The following RASGRP2 variants were observed in gnomAD, a reference collection of about 807,000 sequenced individuals.
The protein encoded by RASGRP2 is RAS guanyl releasing protein 2, also known as RAS guanyl-releasing protein 2.
In RASGRP2, 44 loss-of-function variants were observed where a neutral mutation model predicts 71.0. The ratio of observed to expected loss-of-function variants is 0.62; its 90% CI spans 0.49 to 0.80. The LOEUF is 0.80. RASGRP2 is among the 30% of genes least tolerant of loss of function. RASGRP2 has a pLI of 0.00. For synonymous variants in RASGRP2, 350 were observed against 330.7 expected (o/e 1.06, Z -0.63); for missense variants, 663 against 813.4 (o/e 0.82, Z 2.25).
intron 4 of RASGRP2, 26 bp from the exon 5 acceptor site, chr11:64,741,105 A>G: frequency 6.2e-7 from 1 of 1,609,610 alleles, no homozygotes; most frequent in Non-Finnish European, 8.5e-7. Context: ...GTCACCCAAG[A>G]TAGCCCTTCC....
chr11:64,730,012 G>A (rs767073635), intron 13 of RASGRP2, 41 bp downstream of exon 13: 71 of 1,542,050 alleles, frequency 4.6e-5, no homozygotes, highest in Non-Finnish European at 5.7e-5. Flanking sequence ...CGGGGCTGGA[G>A]GGGCGTGGCT....
intron 12 of RASGRP2, among the ~76,000 whole-genome samples, chr11:64,733,162 A>T (rs1381137376): frequency 6.6e-6 from 1 of 151,442 alleles, no homozygotes; most frequent in Non-Finnish European, 1.5e-5. Flanking sequence ...AGAAAAAAGA[A>T]AAAAGAGAAC....
In RASGRP2 at chr11:64,729,017, C is replaced by A. The variant is rs781047335; in HGVS notation, c.1617G>T (p.Gln539His). 1 of 1,602,698 alleles carries A rather than the reference C, an allele frequency of 6.2e-7. No individual in the cohort carries two copies. The highest frequency in any genetic ancestry group is 1.7e-5 in the Admixed American group (1 of 59,202). ...CRACGVNCHK[Q>H]CKDRLSVECR... ...ACTCAACTGACAGGCGATCCTTGCA[C>A]TGCTTGTGGCAGTTCACTCCACAGG... Residue 539 changes from glutamine to histidine, a missense_variant, in exon 15 of 17, where the codon CAG (glutamine) becomes CAT (histidine). Gln to His is a conservative substitution (Grantham distance 24). Coordinates refer to ENST00000394432, the MANE Select transcript of RASGRP2 (RefSeq NM_001098671.2).
At chr11:64,728,829 C>T (rs1398928638) in intron 15 of RASGRP2, 34 bp downstream of exon 15, 1 of 1,558,226 alleles carries the variant, frequency 6.4e-7, no homozygotes, top group South Asian at 1.1e-5. Context: ...GCATCCTTCC[C>T]TCCACAGGCC....
chr11:64,741,903 G>A (rs1171029569), intron 3 of RASGRP2, 107 bp downstream of exon 3: 2 of 948,396 alleles, frequency 2.1e-6, no homozygotes, highest in Non-Finnish European at 3.3e-6. Flanking sequence ...TCTGGGATAA[G>A]GAGTGGCCTA....
Position 64,735,858 on chromosome 11 carries a change from C to T in RASGRP2, c.1173+45G>A. 6.3e-7 allele frequency: 1 copy of T among 1,584,128 alleles called. No individual in the cohort carries two copies. Among genetic ancestry groups the T allele is most frequent in the Non-Finnish European group, 8.6e-7 (1 of 1,157,456 alleles). On this transcript the variant is annotated intron_variant, in intron 10 of 16. Transcript: ENST00000394432. The surrounding 1 kb of genome is among the most constrained non-coding windows in gnomAD (Gnocchi z 4.2). ...CTTCCCATCCTCACATCCTGGGATT[C>T]TCAGGAGGGAAGGGCAGAGTGGAGA... is the stretch of plus-strand genomic sequence containing the variant.
intron 12 of RASGRP2, among the ~76,000 whole-genome samples, chr11:64,731,480 A>C (rs539856712): frequency 1.3e-5 from 2 of 152,338 alleles, no homozygotes; most frequent in East Asian, 1.9e-4. Context: ...TGAGCACACA[A>C]AAGTTTTTAA....
chr11:64,733,262 C>G (rs2135745079), intron 12 of RASGRP2, among the ~76,000 whole-genome samples: 1 of 152,218 alleles, frequency 6.6e-6, no homozygotes, highest in African/African-American at 2.4e-5. Flanking sequence ...TGGAAACACC[C>G]AAGTTCCAGA....
rs866022932 is a variant in RASGRP2 at position 64,729,953 on chromosome 11, G to A, written c.1554+100C>T. On this transcript the variant is annotated intron_variant, in intron 13 of 16. Transcript: ENST00000394432. ...GCAAATAGAATTACCAGGTTTTCCT[G>A]GCTTGAGAAGGGCTCTGGCAGAGGC... 21 of 1,529,316 alleles carry A rather than the reference G, an allele frequency of 1.4e-5. No individual in the cohort carries two copies. The South Asian group carries it at 2.5e-4, about 18-fold the overall frequency. The allele number at this position is 1,529,316 out of a possible 1,614,324, so 94.7% of individuals were successfully genotyped here. A position where few individuals can be genotyped will look rare whatever the true frequency, so the allele number is the denominator to read the frequency against.
chr11:64,743,588 A>G lies in RASGRP2; in HGVS notation c.-72+415T>C. The stretch of plus-strand genomic sequence containing the variant: ...GTCAGCGGGAAGCCTGAGCCTGGGA[A>G]CTGAGCGCTCCCAGGCCACCTCCGC... On this transcript the variant is annotated intron_variant, in intron 1 of 16. Coordinates refer to ENST00000394432, the MANE Select transcript of RASGRP2 (RefSeq NM_001098671.2). This position sits in a 1 kb window ranked among gnomAD's most constrained non-coding sequence, Gnocchi z 4.9. The G allele has an allele frequency of 2.7e-6, 1 of 368,510 alleles. No individual in the cohort carries two copies. The highest frequency in any genetic ancestry group is 5.2e-6 in the Non-Finnish European group (1 of 191,162). 22.8% of individuals were successfully genotyped at this position (368,510 alleles called of 1,614,324 possible).
chr11:64,728,591 C>T (rs1412034006), intron 15 of RASGRP2, among the ~76,000 whole-genome samples: 1 of 151,954 alleles, frequency 6.6e-6, no homozygotes, highest in African/African-American at 2.4e-5. Flanking sequence ...CCACGCCTGG[C>T]TAATTTTTTT....
At chr11:64,740,856 C>A (rs1159839553) in intron 5 of RASGRP2, 92 bp downstream of exon 5, 2 of 1,517,602 alleles carry the variant, frequency 1.3e-6, no homozygotes, top group East Asian at 2.2e-5. Flanking sequence ...AGCAACATGA[C>A]CCTCACTCAT....
rs183657013 is a variant in RASGRP2 at position 64,739,812 on chromosome 11, G to A, written c.523-3C>T. ...ACGAAACTGTGATAGTCCTGAAACT[G>A]GGGGCATGAGGAGTGGCCTCAGCAC... On this transcript the variant is annotated splice_region_variant and splice_polypyrimidine_tract_variant and intron_variant, in intron 6 of 16. Transcript: ENST00000394432. This position sits in a 1 kb window ranked among gnomAD's most constrained non-coding sequence, Gnocchi z 4.2. 1.2e-6 allele frequency: 2 copies of A among 1,613,600 alleles called. No individual in the cohort carries two copies. Among genetic ancestry groups the A allele is most frequent in the African/African-American group, 1.3e-5 (1 of 75,018 alleles).
chr11:64,739,324 C>T lies in RASGRP2; in HGVS notation c.813+36G>A, dbSNP rs1203647728. The T allele has an allele frequency of 6.6e-7, 1 of 1,520,496 alleles. No individual in the cohort carries two copies. The highest frequency in any genetic ancestry group is 9.1e-7 in the Non-Finnish European group (1 of 1,094,718). The allele number at this position is 1,520,496 out of a possible 1,614,324, so 94.2% of individuals were successfully genotyped here. On this transcript the variant is annotated intron_variant, in intron 8 of 16. Coordinates refer to ENST00000394432, the MANE Select transcript of RASGRP2 (RefSeq NM_001098671.2). The surrounding 1 kb of genome is among the most constrained non-coding windows in gnomAD (Gnocchi z 4.2). The stretch of plus-strand genomic sequence containing the variant: ...GCTGGGAGGACCCAGTGAAGACAGA[C>T]CTGGGAAGCACCGGCCCCTCCCCAG...
In RASGRP2 at chr11:64,739,995, C is replaced by G; in HGVS notation, c.522+18G>C. The G allele has an allele frequency of 6.2e-7, 1 of 1,614,066 alleles. No homozygotes were observed. On this transcript the variant is annotated intron_variant, in intron 6 of 16. Coordinates refer to ENST00000394432, the MANE Select transcript of RASGRP2 (RefSeq NM_001098671.2). The surrounding 1 kb of genome is among the most constrained non-coding windows in gnomAD (Gnocchi z 4.2). ...CAGCCCACATTGGACCCCTGACCCC[C>G]CAGCCCTCGGGCCGCACCAGGATCT...
chr11:64,733,329 T>C (rs967767982), intron 12 of RASGRP2, among the ~76,000 whole-genome samples: 1 of 151,488 alleles, frequency 6.6e-6, no homozygotes, highest in Admixed American at 6.6e-5. Flanking sequence ...TGGGAGCCGG[T>C]GCTGGTCTCC....
chr11:64,729,448 T>C (rs1592349755), intron 14 of RASGRP2, among the ~76,000 whole-genome samples: 1 of 151,958 alleles, frequency 6.6e-6, no homozygotes, highest in Admixed American at 6.6e-5. Flanking sequence ...GCGATTCTCA[T>C]GCCTCAGCCT....
At position 64,739,326 on chromosome 11, in the gene RASGRP2, T is replaced by G. The variant is rs773693637; in HGVS notation, c.813+34A>C. On this transcript the variant is annotated intron_variant, in intron 8 of 16. Coordinates refer to ENST00000394432, the MANE Select transcript of RASGRP2 (RefSeq NM_001098671.2). The surrounding 1 kb of genome is among the most constrained non-coding windows in gnomAD (Gnocchi z 4.2). ...TGGGAGGACCCAGTGAAGACAGACCTGGGAAGCACCGGCCCCTCCCCAGTC... is the reference window on the plus strand; with the variant it reads ...TGGGAGGACCCAGTGAAGACAGACCGGGGAAGCACCGGCCCCTCCCCAGTC... The G allele has an allele frequency of 1.6e-5, 25 of 1,548,296 alleles. No homozygotes were observed. The highest frequency in any genetic ancestry group is 2.2e-5 in the Non-Finnish European group (25 of 1,120,132).
intron 5 of RASGRP2, 82 bp from the exon 6 acceptor site, chr11:64,740,245 G>A (rs551058497): frequency 8.3e-6 from 13 of 1,561,868 alleles, no homozygotes; most frequent in East Asian, 2.2e-5. Context: ...CACCATTCAC[G>A]CTTACTGAGA....
Sources: allele counts gnomAD v4.1 joint callset (sites outside exome capture counted in the v4.1 genomes callset), GRCh38; gene constraint gnomAD v4.1.1; non-coding constraint Gnocchi (gnomAD v3.1); transcripts MANE v1.5; gene names NCBI Gene and HGNC (gene_info 2026-07-23, HGNC 2026-07-21).